The following PCDHGB3 variants were observed in gnomAD, a reference collection of about 807,000 sequenced individuals.
PCDHGB3 encodes protocadherin gamma-B3.
In PCDHGB3, 40 loss-of-function variants were observed where a neutral mutation model predicts 59.2. The observed-to-expected ratio is 0.68, with a 90% CI of 0.52 to 0.88. PCDHGB3 has a LOEUF of 0.88. PCDHGB3 is among the 40% of genes least tolerant of loss of function. PCDHGB3 has a pLI of 0.00. For missense variants in PCDHGB3, 1,309 were observed against 1,187.9 expected (o/e 1.10, Z -1.50); for synonymous variants, 581 against 503.6 (o/e 1.15, Z -2.06).
intron 2 of PCDHGB3, among the ~76,000 whole-genome samples, chr5:141,499,029 A>G (rs140948405): frequency 1.5e-3 from 205 of 140,068 alleles, no homozygotes; most frequent in African/African-American, 5.5e-3. Context: ...AGGAAGGAAG[A>G]AAAGAAAGAA....
Position 141,405,333 on chromosome 5 carries a change from C to T in PCDHGB3, c.2415+32524C>T, listed in dbSNP as rs1253133454. 29 of 1,614,086 alleles carry T rather than the reference C, an allele frequency of 1.8e-5. No homozygotes were observed. Among genetic ancestry groups the T allele is most frequent in the Non-Finnish European group, 2.5e-5 (29 of 1,180,034 alleles). ...GAGAAAAATGAGCCTTTGTGCGTCT[C>T]TGTTGATTCCAAGTTTCCTATAGAA... On this transcript the variant is annotated intron_variant, in intron 1 of 3. Coordinates refer to ENST00000576222, the MANE Select transcript of PCDHGB3 (RefSeq NM_018924.5).
At chr5:141,420,216 T>C in intron 1 of PCDHGB3, 1 of 1,609,316 alleles carries the variant, frequency 6.2e-7, no homozygotes, top group African/African-American at 1.3e-5. Context: ...AAAGATAGCA[T>C]GCTACTGGCT....
At position 141,371,895 on chromosome 5, in the gene PCDHGB3, C is replaced by T. The variant is rs1561553190; in HGVS notation, c.1501C>T (p.Leu501=). ...GGCCAGTGACCTGGAGCCGCGGGAGCTGTCGTCCTACGTGTCCGTGAGCGC... is the reference window on the plus strand; with the variant it reads ...GGCCAGTGACCTGGAGCCGCGGGAGTTGTCGTCCTACGTGTCCGTGAGCGC... The part of the protein sequence containing the change: ...IVASDLEPRE[L]SSYVSVSARS... The change falls in exon 1 of 4, where the codon CTG becomes TTG. Residue 501 remains leucine, a synonymous_variant. Transcript: ENST00000576222. 6.2e-7 allele frequency: 1 copy of T among 1,613,450 alleles called. No individual in the cohort carries two copies.
At chr5:141,380,349 GT>G (rs1776403876) in intron 1 of PCDHGB3, among the ~76,000 whole-genome samples, 1 of 152,006 alleles carries the variant, frequency 6.6e-6, no homozygotes, top group South Asian at 2.1e-4. Flanking sequence ...CTGTTTTGTT[GT>G]TTGTTTTTTA....
chr5:141,496,993 C>G (rs981547671), intron 2 of PCDHGB3, among the ~76,000 whole-genome samples: 1 of 151,910 alleles, frequency 6.6e-6, no homozygotes, highest in South Asian at 2.1e-4. Flanking sequence ...TGAGACCAGC[C>G]TGGCAGCCAA....
At chr5:141,468,822 A>C (rs867400152) in intron 1 of PCDHGB3, among the ~76,000 whole-genome samples, 4 of 151,874 alleles carry the variant, frequency 2.6e-5, no homozygotes, top group Middle Eastern at 3.4e-3. Context: ...GCCAAGATCA[A>C]GCCACTGCAC....
At position 141,476,318 on chromosome 5, in the gene PCDHGB3, G is replaced by A. The variant is rs767809530; in HGVS notation, c.2416-18489G>A. ...TAGCCTCTCAGCCCGCAGGTTCCGG[G>A]TGGTGTCTGGAGCTAGCCGAAGATT... is the stretch of plus-strand genomic sequence containing the variant. On this transcript the variant is annotated intron_variant, in intron 1 of 3. Coordinates refer to ENST00000576222, the MANE Select transcript of PCDHGB3 (RefSeq NM_018924.5). This position sits in a 1 kb window ranked among gnomAD's most constrained non-coding sequence, Gnocchi z 7.6. The A allele has an allele frequency of 6.2e-6, 10 of 1,614,084 alleles. No homozygotes were observed. Among genetic ancestry groups the A allele is most frequent in the Non-Finnish European group, 7.6e-6 (9 of 1,180,060 alleles).
Position 141,418,514 on chromosome 5 carries a change from G to A in PCDHGB3, c.2415+45705G>A. Reference sequence around the variant, plus strand: ...GGTACTGACCGCCTTAGATGGTGGGGACCCTCCCCGAAGCGGTACTGCTCA... The same window carrying A: ...GGTACTGACCGCCTTAGATGGTGGGAACCCTCCCCGAAGCGGTACTGCTCA... On this transcript the variant is annotated intron_variant, in intron 1 of 3. Transcript: ENST00000576222. 1 of 1,613,996 alleles carries A rather than the reference G, an allele frequency of 6.2e-7. No homozygotes were observed.
At chr5:141,451,302 G>A (rs1445994098) in intron 1 of PCDHGB3, among the ~76,000 whole-genome samples, 1 of 152,208 alleles carries the variant, frequency 6.6e-6, no homozygotes, top group Non-Finnish European at 1.5e-5. Context: ...GTCTTACAAG[G>A]CAGCAATTAA....
At chr5:141,479,486 A>T (rs72790065) in intron 1 of PCDHGB3, 21,264 of 152,292 alleles carry the variant, frequency 0.14, 1,529 homozygotes, top group Admixed American at 0.16. Context: ...GGGCAGGACC[A>T]TCAGGTTGCC....
At chr5:141,400,459 G>C (rs1287515286) in intron 1 of PCDHGB3, 1 of 1,614,072 alleles carries the variant, frequency 6.2e-7, no homozygotes, top group Admixed American at 1.7e-5. Flanking sequence ...CATACTTTGT[G>C]GTGATTCATC....
At chr5:141,474,964 CATT>C (rs1489874965) in intron 1 of PCDHGB3, among the ~76,000 whole-genome samples, 1 of 152,216 alleles carries the variant, frequency 6.6e-6, no homozygotes, top group Non-Finnish European at 1.5e-5. Context: ...CTATCCTAAT[CATT>C]ATAATTTTGT....
chr5:141,432,935 C>T lies in PCDHGB3; in HGVS notation c.2415+60126C>T. The T allele has an allele frequency of 4.3e-6, 7 of 1,614,218 alleles. No homozygotes were observed. The highest frequency in any genetic ancestry group is 5.1e-6 in the Non-Finnish European group (6 of 1,180,046). On this transcript the variant is annotated intron_variant, in intron 1 of 3. Transcript: ENST00000576222. This position sits in a 1 kb window ranked among gnomAD's most constrained non-coding sequence, Gnocchi z 6.0. The stretch of plus-strand genomic sequence containing the variant: ...GCGCTGGCACAAGTCACGCCTGCTG[C>T]AGGCTTCAGGAGGCGGCTTGACAGG...
chr5:141,431,960 T>C lies in PCDHGB3; in HGVS notation c.2415+59151T>C. On this transcript the variant is annotated intron_variant, in intron 1 of 3. Transcript: ENST00000576222. This position sits in a 1 kb window ranked among gnomAD's most constrained non-coding sequence, Gnocchi z 4.8. ...TAAATTAGAAAAATCTTACGGAAAT[T>C]ACTATAGTTTAGTCACAGACATAGT... The C allele has an allele frequency of 3.7e-6, 6 of 1,614,166 alleles. No individual in the cohort carries two copies. Among genetic ancestry groups the C allele is most frequent in the Non-Finnish European group, 5.1e-6 (6 of 1,180,034 alleles).
chr5:141,374,242 A>G (rs1181789478), intron 1 of PCDHGB3: 2 of 1,613,868 alleles, frequency 1.2e-6, no homozygotes, highest in Admixed American at 3.3e-5. Context: ...AGGATCTGGG[A>G]CTGGAGCCCC....
Position 141,490,835 on chromosome 5 carries a change from T to C in PCDHGB3, c.2416-3972T>C, listed in dbSNP as rs1284804400. 4 of 1,613,728 alleles carry C rather than the reference T, an allele frequency of 2.5e-6. No individual in the cohort carries two copies. The highest frequency in any genetic ancestry group is 1.1e-5 in the South Asian group (1 of 91,076). On this transcript the variant is annotated intron_variant, in intron 1 of 3. Transcript: ENST00000576222. This position sits in a 1 kb window ranked among gnomAD's most constrained non-coding sequence, Gnocchi z 5.4. ...TATGAATTGCTGCAGATGCTGCAGATTGTGGTGGGGGTTCGAGACTCCGGC... is the reference window on the plus strand; with the variant it reads ...TATGAATTGCTGCAGATGCTGCAGACTGTGGTGGGGGTTCGAGACTCCGGC...
Position 141,431,473 on chromosome 5 carries a change from C to G in PCDHGB3, c.2415+58664C>G, listed in dbSNP as rs750300971. ...TGATGGTTCTGGATGCGAACGACAA[C>G]GCACCAGCGTTTGCTCAGCCCGAGT... On this transcript the variant is annotated intron_variant, in intron 1 of 3. Coordinates refer to ENST00000576222, the MANE Select transcript of PCDHGB3 (RefSeq NM_018924.5). This position sits in a 1 kb window ranked among gnomAD's most constrained non-coding sequence, Gnocchi z 4.8. 5.0e-6 allele frequency: 8 copies of G among 1,613,832 alleles called. No homozygotes were observed. The highest frequency in any genetic ancestry group is 1.7e-5 in the Admixed American group (1 of 60,026).
chr5:141,387,761 A>C lies in PCDHGB3; in HGVS notation c.2415+14952A>C, dbSNP rs539874780. The C allele has an allele frequency of 9.8e-5, 139 of 1,420,618 alleles. 1 individual carries two copies. The African/African-American group carries it at 1.7e-3, about 17-fold the overall frequency. The allele number at this position is 1,420,618 out of a possible 1,614,324, so 88.0% of individuals were successfully genotyped here. A position where few individuals can be genotyped will look rare whatever the true frequency, so the allele number is the denominator to read the frequency against. On this transcript the variant is annotated intron_variant, in intron 1 of 3. Transcript: ENST00000576222. ...ACACCGCTTCCTCCTCGGAAAAAGA[A>C]GAATTTTTTCTTGAACTGGAACTGC...
At chr5:141,388,940 C>A (rs762814414) in intron 1 of PCDHGB3, 1 of 1,613,966 alleles carries the variant, frequency 6.2e-7, no homozygotes, top group South Asian at 1.1e-5. Context: ...CTCTACCCAA[C>A]CTAATTATGG....
Sources: gnomAD v4.1 joint callset for allele counts (sites outside exome capture counted in the v4.1 genomes callset) on GRCh38, gnomAD v4.1.1 for gene constraint, Gnocchi (gnomAD v3.1) non-coding constraint, MANE v1.5 for transcripts, NCBI Gene and HGNC (gene_info 2026-07-23, HGNC 2026-07-21) for gene names.